Variants in MGRN1 observed in about 807,000 individuals in gnomAD.
MGRN1 encodes mahogunin ring finger 1.
In MGRN1, 29 loss-of-function variants were observed where a neutral mutation model predicts 69.2. The ratio of observed to expected loss-of-function variants is 0.42; its 90% CI spans 0.31 to 0.57. MGRN1 has a LOEUF of 0.57. Among genes scored for constraint, MGRN1 ranks in the 20% least tolerant of loss-of-function variants. The pLI is 0.15. For missense variants in MGRN1, 998 were observed against 796.2 expected (o/e 1.25, Z -3.05); for synonymous variants, 470 against 344.2 (o/e 1.37, Z -4.04).
intron 5 of MGRN1, among the ~76,000 whole-genome samples, chr16:4,663,376 T>TG (rs2078728029): frequency 3.0e-5 from 4 of 133,316 alleles, no homozygotes; most frequent in South Asian, 5.2e-4. Context: ...TTTTTTTTTT[T>TG]TTTTTTTTTT....
intron 3 of MGRN1, 40 bp downstream of exon 3, chr16:4,652,091 G>T (rs1484673439): frequency 6.3e-7 from 1 of 1,591,014 alleles, no homozygotes; most frequent in African/African-American, 1.3e-5. Context: ...TGGCTCTGTG[G>T]GGCGCAGCCT....
intron 16 of MGRN1, chr16:4,686,452 G>A (rs2079321200): frequency 1.4e-6 from 2 of 1,427,074 alleles, no homozygotes; most frequent in Non-Finnish European, 9.1e-7. Flanking sequence ...TCCGAATCCA[G>A]AGCTCTCCAG....
chr16:4,626,444 G>A (rs1258659211), intron 1 of MGRN1, among the ~76,000 whole-genome samples: 1 of 152,180 alleles, frequency 6.6e-6, no homozygotes, highest in Non-Finnish European at 1.5e-5. Flanking sequence ...GACCTTGGTC[G>A]AGGTTGCTTA....
In MGRN1 at chr16:4,625,064, C is replaced by G; in HGVS notation, c.88+16C>G. ...CCGAAGTCCGGTGAGCGCCCGGCCC[C>G]AGGCGCGGACTGCTAGGCACGCGCT... On this transcript the variant is annotated intron_variant, in intron 1 of 16. Transcript: ENST00000262370. 1.3e-6 allele frequency: 2 copies of G among 1,529,410 alleles called. No individual in the cohort carries two copies. Among genetic ancestry groups the G allele is most frequent in the South Asian group, 2.4e-5 (2 of 82,296 alleles). 94.7% of individuals were successfully genotyped at this position (1,529,410 alleles called of 1,614,324 possible).
chr16:4,679,823 C>G (rs1170723506), intron 11 of MGRN1, among the ~76,000 whole-genome samples: 1 of 152,168 alleles, frequency 6.6e-6, no homozygotes, highest in Non-Finnish European at 1.5e-5. Context: ...TGCAGCAGCA[C>G]AGCTCCCGGG....
At chr16:4,668,632 G>A (rs1432786486) in intron 8 of MGRN1, among the ~76,000 whole-genome samples, 1 of 151,188 alleles carries the variant, frequency 6.6e-6, no homozygotes, top group Non-Finnish European at 1.5e-5. Context: ...TCATTCAGAT[G>A]CACACACTCA....
At chr16:4,627,125 G>C (rs985609243) in intron 1 of MGRN1, among the ~76,000 whole-genome samples, 23 of 152,246 alleles carry the variant, frequency 1.5e-4, no homozygotes, top group African/African-American at 5.1e-4. Context: ...CAGCATTTTG[G>C]TGTGTTTCCC....
intron 1 of MGRN1, among the ~76,000 whole-genome samples, chr16:4,638,677 G>T (rs995367183): frequency 2.4e-4 from 37 of 152,216 alleles, no homozygotes; most frequent in African/African-American, 8.9e-4. Context: ...TCTTGTGCAG[G>T]TCTGGCCCAC....
chr16:4,645,111 A>G (rs944099275), intron 1 of MGRN1, among the ~76,000 whole-genome samples: 1 of 128,980 alleles, frequency 7.8e-6, no homozygotes, highest in Non-Finnish European at 1.6e-5. Flanking sequence ...ATATGTATAT[A>G]TGCGTGTGCA....
intron 1 of MGRN1, among the ~76,000 whole-genome samples, chr16:4,627,624 A>G (rs543765543): frequency 2.9e-3 from 446 of 151,464 alleles, no homozygotes; most frequent in Middle Eastern, 0.01. Context: ...CGTCTCTACT[A>G]AAAATACAAA....
chr16:4,651,087 C>G (rs1399640547), intron 2 of MGRN1: 2 of 147,950 alleles, frequency 1.4e-5, no homozygotes, highest in African/African-American at 5.0e-5. Context: ...CCAGACTGGG[C>G]AACAAAGGGA....
At chr16:4,652,560 G>A in intron 3 of MGRN1, 118 bp from the exon 4 acceptor site, 1 of 1,320,814 alleles carries the variant, frequency 7.6e-7, no homozygotes, top group Non-Finnish European at 1.0e-6. Context: ...ATGTCTACTG[G>A]AGAAGCGGGC....
intron 8 of MGRN1, 68 bp downstream of exon 8, chr16:4,668,380 T>C: frequency 3.9e-6 from 6 of 1,525,654 alleles, no homozygotes; most frequent in Non-Finnish European, 5.4e-6. Flanking sequence ...CTCACACGCA[T>C]ACTCATACAT....
chr16:4,682,677 TG>T, intron 13 of MGRN1, 145 bp from the exon 14 acceptor site: 1 of 970,546 alleles, frequency 1.0e-6, no homozygotes. Flanking sequence ...TCCCGGTGGC[TG>T]GTGATGCCCT....
At chr16:4,638,117 A>AT (rs1429643858) in intron 1 of MGRN1, among the ~76,000 whole-genome samples, 2 of 152,040 alleles carry the variant, frequency 1.3e-5, no homozygotes, top group African/African-American at 4.8e-5. Context: ...GTTAATTGGC[A>AT]TTTTTTATCC....
In MGRN1 at chr16:4,657,283, G is replaced by T. The variant is rs758611746; in HGVS notation, c.481G>T (p.Val161Phe). ...GAGCCCCTCGCTACAGTCCGAGACCGTCCACTACAAGAGAGGGGTGAGCCA... is the reference window on the plus strand; with the variant it reads ...GAGCCCCTCGCTACAGTCCGAGACCTTCCACTACAAGAGAGGGGTGAGCCA... Reference protein sequence around the residue: ...PKSPSLQSETVHYKRGVSQQF... With the variant: ...PKSPSLQSETFHYKRGVSQQF... The change falls in exon 5 of 17, where the codon GTC becomes TTC. Residue 161 changes from valine to phenylalanine, a missense_variant. Transcript: ENST00000262370. 1 of 1,613,980 alleles carries T rather than the reference G, an allele frequency of 6.2e-7. No homozygotes were observed. The highest frequency in any genetic ancestry group is 8.5e-7 in the Non-Finnish European group (1 of 1,179,952).
chr16:4,683,708 C>T, intron 15 of MGRN1, 135 bp from the exon 16 acceptor site: 1 of 681,094 alleles, frequency 1.5e-6, no homozygotes, highest in South Asian at 1.9e-5. Context: ...ACGGTGGAGT[C>T]CTGCTGGAGC....
chr16:4,629,158 G>GTGTGTT (rs1555445275), intron 1 of MGRN1, among the ~76,000 whole-genome samples: 5 of 99,940 alleles, frequency 5.0e-5, no homozygotes, highest in Non-Finnish European at 1.1e-4. Context: ...GTATGTGTGT[G>GTGTGTT]TGTGTGTGTG....
At chr16:4,684,048 T>C in intron 16 of MGRN1, 116 bp downstream of exon 16, 2 of 921,204 alleles carry the variant, frequency 2.2e-6, no homozygotes, top group Non-Finnish European at 3.3e-6. Flanking sequence ...GGAGCCTGGT[T>C]CTCTCCCTGG....
Sources: gnomAD v4.1 joint callset for allele counts (sites outside exome capture counted in the v4.1 genomes callset) on GRCh38, gnomAD v4.1.1 for gene constraint, MANE v1.5 for transcripts, NCBI Gene and HGNC (gene_info 2026-07-23, HGNC 2026-07-21) for gene names.